SEPTIN5: variants seen among roughly 807,000 people sequenced by gnomAD.
SEPTIN5 encodes septin 5.
A neutral mutation model predicts 51.2 loss-of-function variants in SEPTIN5; 16 were observed. That is an observed-to-expected ratio of 0.31 (90% CI 0.21 to 0.47). SEPTIN5 has a LOEUF of 0.47. Among genes scored for constraint, SEPTIN5 ranks in the 20% least tolerant of loss-of-function variants. The probability of loss-of-function intolerance (pLI) is 0.99; values close to 1 mark genes in which losing one functional copy is unlikely to be tolerated. For missense variants in SEPTIN5, 376 were observed against 500.3 expected (o/e 0.75, Z 2.37); for synonymous variants, 208 against 191.2 (o/e 1.09, Z -0.72).
At position 19,722,651 on chromosome 22, in the gene SEPTIN5, G is replaced by T. The variant is rs1936071557; in HGVS notation, c.*167G>T. ...ATTGTGTCTGTTTCCGAGGGGCCTG[G>T]ACCGTAGCCCCCGCCCAGCTGGCCC... On this transcript the variant is annotated 3_prime_UTR_variant, in exon 12 of 12. Coordinates refer to ENST00000455784, the MANE Select transcript of SEPTIN5 (RefSeq NM_002688.6). 2 of 757,974 alleles carry T rather than the reference G, an allele frequency of 2.6e-6. No homozygotes were observed. The highest frequency in any genetic ancestry group is 4.2e-6 in the Non-Finnish European group (2 of 471,956). 47.0% of individuals were successfully genotyped at this position (757,974 alleles called of 1,614,324 possible).
intron 2 of SEPTIN5, chr22:19,719,205 C>T: frequency 4.4e-6 from 1 of 227,188 alleles, no homozygotes; most frequent in Non-Finnish European, 8.5e-6. Context: ...CTGGCACTCT[C>T]CGGAGGGGTG....
Position 19,714,873 on chromosome 22 carries a change from C to A in SEPTIN5, c.54+82C>A, listed in dbSNP as rs2145784113. The A allele has an allele frequency of 2.7e-6, 4 of 1,489,878 alleles. No individual in the cohort carries two copies. Among genetic ancestry groups the A allele is most frequent in the South Asian group, 2.4e-5 (2 of 82,782 alleles). The allele number at this position is 1,489,878 out of a possible 1,614,324, so 92.3% of individuals were successfully genotyped here. A position where few individuals can be genotyped will look rare whatever the true frequency, so the allele number is the denominator to read the frequency against. On this transcript the variant is annotated intron_variant, in intron 2 of 11. Transcript: ENST00000455784. This position sits in a 1 kb window ranked among gnomAD's most constrained non-coding sequence, Gnocchi z 5.2. ...GACACTAGCGCCTTGGGCGCCCAGG[C>A]GCGACCCCGCCCCCGCCGGCCCTCA...
At chr22:19,718,837 C>A in intron 2 of SEPTIN5, 1 of 1,235,744 alleles carries the variant, frequency 8.1e-7, no homozygotes, top group Non-Finnish European at 1.0e-6. Flanking sequence ...GTGGAGAGGG[C>A]GGAACGTGGG....
Position 19,714,507 on chromosome 22 carries a change from C to G in SEPTIN5, c.-82C>G, listed in dbSNP as rs997395355. ...GGCGGCGCGGAGGGGCCGCTCACCC[C>G]GCAGCCCGGCCTCGGCCTCCGCCGC... On this transcript the variant is annotated 5_prime_UTR_variant, in exon 1 of 12. Transcript: ENST00000455784. The surrounding 1 kb of genome is among the most constrained non-coding windows in gnomAD (Gnocchi z 5.2). 1.7e-5 allele frequency: 16 copies of G among 969,454 alleles called. No individual in the cohort carries two copies. Among genetic ancestry groups the G allele is most frequent in the Non-Finnish European group, 1.8e-5 (14 of 768,582 alleles). The allele number at this position is 969,454 out of a possible 1,614,324, so 60.1% of individuals were successfully genotyped here.
At chr22:19,722,022 G>C in intron 10 of SEPTIN5, 65 bp downstream of exon 10, 1 of 1,552,080 alleles carries the variant, frequency 6.4e-7, no homozygotes, top group Admixed American at 1.8e-5. Flanking sequence ...CATAACTGAG[G>C]GCCGGTCCTG....
chr22:19,719,516 C>G, intron 2 of SEPTIN5, 86 bp from the exon 3 acceptor site: 1 of 1,087,104 alleles, frequency 9.2e-7, no homozygotes, highest in Non-Finnish European at 1.3e-6. Flanking sequence ...CCTCTGCTGT[C>G]TCCTCATACC....
In SEPTIN5 at chr22:19,714,804, C is replaced by A. The variant is rs541149811; in HGVS notation, c.54+13C>A. On this transcript the variant is annotated intron_variant, in intron 2 of 11. Transcript: ENST00000455784. The surrounding 1 kb of genome is among the most constrained non-coding windows in gnomAD (Gnocchi z 5.2). ...AGAGGACAAGCAGGTACGTGCGCAG[C>A]GCCGCTCCCCCGCCGGGAGACCCGG... The A allele has an allele frequency of 4.5e-5, 72 of 1,593,294 alleles. No homozygotes were observed. In the African/African-American group the frequency reaches 9.3e-4, roughly 20 times the overall value.
intron 2 of SEPTIN5, among the ~76,000 whole-genome samples, chr22:19,715,803 C>T (rs1232140642): frequency 3.3e-5 from 5 of 152,208 alleles, no homozygotes; most frequent in African/African-American, 1.2e-4. Flanking sequence ...ACACACCCCA[C>T]CCAGAGGTGG....
rs1461013792 is a variant in SEPTIN5, at chr22:19,714,588, C to T, written c.-1C>T. On this transcript the variant is annotated 5_prime_UTR_variant, in exon 1 of 12. Transcript: ENST00000455784. The surrounding 1 kb of genome is among the most constrained non-coding windows in gnomAD (Gnocchi z 5.2). ...CCGCACGTCCCCCGCCGGCGGCCAC[C>T]ATGAGCACAGGCCTGCGGTACAAGA... is the stretch of plus-strand genomic sequence containing the variant. The T allele has an allele frequency of 1.2e-5, 18 of 1,453,090 alleles. No individual in the cohort carries two copies. Among genetic ancestry groups the T allele is most frequent in the Non-Finnish European group, 1.5e-5 (17 of 1,107,040 alleles). The allele number at this position is 1,453,090 out of a possible 1,614,324, so 90.0% of individuals were successfully genotyped here. A position where few individuals can be genotyped will look rare whatever the true frequency, so the allele number is the denominator to read the frequency against.
At chr22:19,719,092 CG>C in intron 2 of SEPTIN5, 2 of 329,358 alleles carry the variant, frequency 6.1e-6, no homozygotes, top group African/African-American at 2.1e-5. Context: ...GGCGCGCGGG[CG>C]GGGGAGGCTC....
chr22:19,721,889 C>T lies in SEPTIN5; in HGVS notation c.882C>T (p.Asp294=), dbSNP rs1275477977. The T allele has an allele frequency of 4.3e-6, 7 of 1,612,194 alleles. No homozygotes were observed. Among genetic ancestry groups the T allele is most frequent in the African/African-American group, 1.3e-5 (1 of 74,880 alleles). Residue 294 remains aspartate, a synonymous_variant, in exon 10 of 12, where the codon GAC becomes GAT. Coordinates refer to ENST00000455784, the MANE Select transcript of SEPTIN5 (RefSeq NM_002688.6). The stretch of plus-strand genomic sequence containing the variant: ...TGCTCATCCGCACGCATATGCACGA[C>T]CTCAAGGACGTGACGTGCGACGTGC... ...RNMLIRTHMH[D]LKDVTCDVHY...
intron 2 of SEPTIN5, chr22:19,719,324 C>G: frequency 2.5e-6 from 1 of 395,262 alleles, no homozygotes; most frequent in South Asian, 3.5e-5. Context: ...CCTGTGCCTG[C>G]TGCGGCCTGA....
chr22:19,720,032 G>T (rs1935994109), intron 4 of SEPTIN5, 83 bp from the exon 5 acceptor site: 5 of 1,607,514 alleles, frequency 3.1e-6, no homozygotes, highest in Admixed American at 1.7e-5. Context: ...AAGGCACCAA[G>T]ATGGATGAGG....
chr22:19,722,459 T>C lies in SEPTIN5; in HGVS notation c.1085T>C (p.Met362Thr). Reference protein sequence around the residue: ...LRRMQEMLQRMKQQMQDQ With the variant: ...LRRMQEMLQRTKQQMQDQ ...CGCATGCAGGAGATGCTGCAGAGGA[T>C]GAAGCAGCAGATGCAGGACCAGTGA... Residue 362 changes from methionine (M) to threonine (T), a missense_variant, in exon 12 of 12, where the codon ATG becomes ACG. Transcript: ENST00000455784. 6.2e-7 allele frequency: 1 copy of C among 1,601,628 alleles called. No homozygotes were observed. Among genetic ancestry groups the C allele is most frequent in the Non-Finnish European group, 8.5e-7 (1 of 1,174,434 alleles).
In SEPTIN5 at chr22:19,719,134, C is replaced by A. The variant is rs191098981; in HGVS notation, c.55-468C>A. ...CGCGGTCTATAAATAGGCGCTGCTC[C>A]GCCACCGCCGCTGCCGCCGCCCCCG... On this transcript the variant is annotated intron_variant, in intron 2 of 11. Coordinates refer to ENST00000455784, the MANE Select transcript of SEPTIN5 (RefSeq NM_002688.6). 275 of 252,828 alleles carry A rather than the reference C, an allele frequency of 1.1e-3. No homozygotes were observed. The East Asian group carries it at 0.019, about 18-fold the overall frequency. 15.7% of individuals were successfully genotyped at this position (252,828 alleles called of 1,614,324 possible). A position where few individuals can be genotyped will look rare whatever the true frequency, so the allele number is the denominator to read the frequency against.
In SEPTIN5 at chr22:19,714,891, G is replaced by A; in HGVS notation, c.54+100G>A. The A allele has an allele frequency of 2.1e-6, 3 of 1,420,056 alleles. No homozygotes were observed. Among genetic ancestry groups the A allele is most frequent in the Admixed American group, 4.2e-5 (2 of 48,140 alleles). The allele number at this position is 1,420,056 out of a possible 1,614,324, so 88.0% of individuals were successfully genotyped here. ...GCCCAGGCGCGACCCCGCCCCCGCC[G>A]GCCCTCACCCAGCCCTGTCGCGATC... On this transcript the variant is annotated intron_variant, in intron 2 of 11. Coordinates refer to ENST00000455784, the MANE Select transcript of SEPTIN5 (RefSeq NM_002688.6). The surrounding 1 kb of genome is among the most constrained non-coding windows in gnomAD (Gnocchi z 5.2).
intron 10 of SEPTIN5, 29 bp from the exon 11 acceptor site, chr22:19,722,208 C>CCCCCCCAA: frequency 1.4e-6 from 2 of 1,428,630 alleles, no homozygotes; most frequent in African/African-American, 1.4e-5. Flanking sequence ...TGGCGCCGCC[C>CCCCCCCAA]CGCCCATCCT....
chr22:19,721,772 G>GA (rs756090780), intron 9 of SEPTIN5, 36 bp downstream of exon 9: 1 of 1,601,202 alleles, frequency 6.2e-7, no homozygotes, highest in Non-Finnish European at 8.5e-7. Context: ...TCTGGTGGGG[G>GA]AAGGCTGTCC....
chr22:19,722,214 A>ACCACCC, intron 10 of SEPTIN5, 23 bp from the exon 11 acceptor site: 1 of 903,752 alleles, frequency 1.1e-6, no homozygotes, highest in Non-Finnish European at 1.7e-6. Flanking sequence ...CGCCCCGCCC[A>ACCACCC]TCCTCCCCCC....
Sources: gnomAD v4.1 joint callset for allele counts (sites outside exome capture counted in the v4.1 genomes callset) on GRCh38, gnomAD v4.1.1 for gene constraint, Gnocchi (gnomAD v3.1) non-coding constraint, MANE v1.5 for transcripts, NCBI Gene and HGNC (gene_info 2026-07-23, HGNC 2026-07-21) for gene names.